Variants in METTL15 observed in about 807,000 individuals in gnomAD.
METTL15 encodes 12S rRNA N(4)-cytidine methyltransferase METTL15.
METTL15 carries 34 observed loss-of-function variants against 38.3 expected under a neutral mutation model. The ratio of observed to expected loss-of-function variants is 0.89; its 90% CI spans 0.68 to 1.18. The LOEUF (loss-of-function observed/expected upper bound fraction) is 1.18. Ranked by LOEUF, METTL15 falls within the 50% of genes most tolerant of loss-of-function variation. The probability of loss-of-function intolerance (pLI) is 0.00; values close to 1 mark genes in which losing one functional copy is unlikely to be tolerated. For synonymous variants in METTL15, 162 were observed against 170.9 expected, an observed-to-expected ratio of 0.95 and a Z score of 0.41; for missense variants, 438 against 498.4, an observed-to-expected ratio of 0.88 and a Z score of 1.15.
intron 3 of METTL15, among the ~76,000 whole-genome samples, chr11:28,120,659 G>T (rs1198184158): frequency 6.6e-6 from 1 of 152,032 alleles, no homozygotes; most frequent in African/African-American, 2.4e-5. Context: ...CTTGAATTTT[G>T]TATCAATCAC....
At chr11:28,366,611 A>G (rs1850188688) in intron 5 of METTL15, among the ~76,000 whole-genome samples, 1 of 152,166 alleles carries the variant, frequency 6.6e-6, no homozygotes, top group Admixed American at 6.5e-5. Context: ...TGCAAGTAGT[A>G]TTTAATACTG....
intron 3 of METTL15, among the ~76,000 whole-genome samples, chr11:28,173,763 G>A (rs1178034972): frequency 6.6e-6 from 1 of 152,014 alleles, no homozygotes; most frequent in African/African-American, 2.4e-5. Context: ...CTTCCTCTTG[G>A]CTATGACAGT....
intron 3 of METTL15, among the ~76,000 whole-genome samples, chr11:28,194,172 C>CTTTCTTTCTTTCTTTA (rs1462805146): frequency 1.7e-5 from 1 of 58,948 alleles, no homozygotes; most frequent in Non-Finnish European, 3.0e-5. Context: ...TTCTTTCTTT[C>CTTTCTTTCTTTCTTTA]TTTTTCTCTC....
At chr11:28,420,865 C>T (rs549667206) in intron 5 of METTL15, among the ~76,000 whole-genome samples, 43 of 151,236 alleles carry the variant, frequency 2.8e-4, no homozygotes, top group South Asian at 4.2e-4. Flanking sequence ...TACAAAGATC[C>T]GAGCAGAAAT....
At chr11:28,378,537 T>C (rs1564912541) in intron 5 of METTL15, among the ~76,000 whole-genome samples, 1 of 152,182 alleles carries the variant, frequency 6.6e-6, no homozygotes, top group Non-Finnish European at 1.5e-5. Flanking sequence ...GTGCACCCAC[T>C]GACCTGCACC....
intron 6 of METTL15, among the ~76,000 whole-genome samples, chr11:28,511,574 G>T (rs1054961612): frequency 6.6e-6 from 1 of 152,072 alleles, no homozygotes; most frequent in Admixed American, 6.5e-5. Flanking sequence ...GGTGGGGTTC[G>T]TGGTCTCACC....
At chr11:28,515,169 T>G (rs1319123273) in intron 6 of METTL15, among the ~76,000 whole-genome samples, 2 of 151,972 alleles carry the variant, frequency 1.3e-5, no homozygotes. Flanking sequence ...AATAAATGAT[T>G]CTAGGAGCCA....
At chr11:28,328,686 G>C (rs1032437843) in intron 6 of METTL15, among the ~76,000 whole-genome samples, 1 of 151,942 alleles carries the variant, frequency 6.6e-6, no homozygotes, top group Admixed American at 6.6e-5. Flanking sequence ...TATGCCAGTG[G>C]TTATAAGCTT....
At chr11:28,230,632 G>GA (rs1345833824) in intron 4 of METTL15, among the ~76,000 whole-genome samples, 5 of 151,842 alleles carry the variant, frequency 3.3e-5, no homozygotes, top group African/African-American at 1.2e-4. Flanking sequence ...TTAAAAGAGT[G>GA]AAAACAATAG....
chr11:28,144,768 T>C (rs1849821845), intron 3 of METTL15: 1 of 152,968 alleles, frequency 6.5e-6, no homozygotes, highest in Non-Finnish European at 1.5e-5. Context: ...GTCCTTTCTT[T>C]TGAGTAACAG....
intron 3 of METTL15, among the ~76,000 whole-genome samples, chr11:28,141,230 T>C (rs1429592835): frequency 6.6e-6 from 1 of 152,192 alleles, no homozygotes; most frequent in East Asian, 1.9e-4. Context: ...TTGTCCAAAC[T>C]GTCTTCATGT....
chr11:28,207,517 T>G (rs1852403631), intron 3 of METTL15, among the ~76,000 whole-genome samples: 1 of 152,298 alleles, frequency 6.6e-6, no homozygotes, highest in Middle Eastern at 3.4e-3. Flanking sequence ...TTGCCAGTAT[T>G]TTATTGAGGA....
intron 3 of METTL15, among the ~76,000 whole-genome samples, chr11:28,208,290 A>G (rs1015740767): frequency 6.6e-6 from 1 of 152,120 alleles, no homozygotes; most frequent in Non-Finnish European, 1.5e-5. Flanking sequence ...AATGTGTCCC[A>G]GAGATTCTGG....
intron 5 of METTL15, among the ~76,000 whole-genome samples, chr11:28,380,591 A>G (rs1445844948): frequency 6.6e-6 from 1 of 152,048 alleles, no homozygotes; most frequent in East Asian, 1.9e-4. Flanking sequence ...TATTTTCTCT[A>G]GCAGCATGTT....
chr11:28,294,278 GAA>G (rs772477001), intron 5 of METTL15, among the ~76,000 whole-genome samples: 20 of 152,258 alleles, frequency 1.3e-4, no homozygotes, highest in Non-Finnish European at 2.8e-4. Context: ...CATTGAAAAA[GAA>G]AAGTCATAGA....
intron 5 of METTL15, among the ~76,000 whole-genome samples, chr11:28,368,903 C>T (rs911820692): frequency 2.0e-5 from 3 of 151,948 alleles, no homozygotes; most frequent in African/African-American, 7.3e-5. Flanking sequence ...ATCACAAGAA[C>T]AGAAAACCAA....
At chr11:28,509,162 G>C (rs190229061) in intron 6 of METTL15, among the ~76,000 whole-genome samples, 1 of 152,184 alleles carries the variant, frequency 6.6e-6, no homozygotes, top group Non-Finnish European at 1.5e-5. Context: ...GGCTGCAGCT[G>C]TTGCTTGTTA....
intron 5 of METTL15, among the ~76,000 whole-genome samples, chr11:28,377,221 G>A (rs1307617298): frequency 6.7e-6 from 1 of 148,872 alleles, no homozygotes; most frequent in South Asian, 2.2e-4. Context: ...TGCTAGATTG[G>A]GGAAGTTCTC....
intron 3 of METTL15, among the ~76,000 whole-genome samples, chr11:28,128,847 TA>T (rs1268720203): frequency 6.6e-6 from 1 of 152,200 alleles, no homozygotes; most frequent in Non-Finnish European, 1.5e-5. Context: ...TTTTTTAGTC[TA>T]ATCTAAAGTG....
Sources: allele counts gnomAD v4.1 joint callset (sites outside exome capture counted in the v4.1 genomes callset), GRCh38; gene constraint gnomAD v4.1.1; transcripts MANE v1.5; gene names NCBI Gene and HGNC (gene_info 2026-07-23, HGNC 2026-07-21).